The following TRAPPC9 variants were observed in gnomAD, a reference collection of about 807,000 sequenced individuals.
The protein encoded by TRAPPC9 is trafficking protein particle complex subunit 9.
In TRAPPC9, 83 loss-of-function variants were observed where a neutral mutation model predicts 124.0. That is an observed-to-expected ratio of 0.67 (90% confidence interval 0.56 to 0.80). The LOEUF is 0.80. Among genes scored for constraint, TRAPPC9 ranks in the 30% least tolerant of loss-of-function variants. TRAPPC9 has a pLI of 0.00. For synonymous variants in TRAPPC9, 638 were observed against 617.5 expected (o/e 1.03, Z -0.49); for missense variants, 1,302 against 1,508.3 (o/e 0.86, Z 2.27).
chr8:140,300,276 C>T (rs1030189374), intron 11 of TRAPPC9, among the ~76,000 whole-genome samples, 193 bp downstream of exon 11: 5 of 142,510 alleles, frequency 3.5e-5, no homozygotes, highest in South Asian at 2.1e-4. Flanking sequence ...CACATATGCA[C>T]GCATGCACAC....
chr8:140,289,522 T>C (rs970059632), intron 12 of TRAPPC9, among the ~76,000 whole-genome samples: 1 of 152,234 alleles, frequency 6.6e-6, no homozygotes. Context: ...TAACATTTCA[T>C]AGGTTTAAAA....
intron 9 of TRAPPC9, among the ~76,000 whole-genome samples, chr8:140,313,733 AG>A (rs1170784167): frequency 2.6e-5 from 4 of 152,078 alleles, no homozygotes; most frequent in Admixed American, 2.6e-4. Flanking sequence ...GGGGTGGAAA[AG>A]GGACCGTCGC....
chr8:139,837,232 C>A (rs1043151901), intron 21 of TRAPPC9, among the ~76,000 whole-genome samples: 12 of 152,194 alleles, frequency 7.9e-5, no homozygotes, highest in African/African-American at 2.9e-4. Flanking sequence ...CCTGCTGCCG[C>A]TGTTCACGCC....
In TRAPPC9 at chr8:139,728,014, C is replaced by T. The variant is rs1469063316; in HGVS notation, c.*3047G>A. On this transcript the variant is annotated 3_prime_UTR_variant, in exon 23 of 23. Coordinates refer to ENST00000438773, the MANE Select transcript of TRAPPC9 (RefSeq NM_001160372.4). Reference sequence around the variant, plus strand: ...GGACCCAGTATTTATTAAGAAGTTGCTATCATGTGCTAAAAAAAAATCTAG... The same window carrying T: ...GGACCCAGTATTTATTAAGAAGTTGTTATCATGTGCTAAAAAAAAATCTAG... Among the ~76,000 whole-genome samples, 1 of 142,352 alleles carries T rather than the reference C, an allele frequency of 7.0e-6. No individual in the cohort carries two copies. Among genetic ancestry groups the T allele is most frequent in the East Asian group, 2.0e-4 (1 of 5,036 alleles). 93.4% of individuals were successfully genotyped at this position (142,352 alleles called of 152,430 possible). A position where few individuals can be genotyped will look rare whatever the true frequency, so the allele number is the denominator to read the frequency against.
At chr8:140,017,610 T>G (rs1839550902) in intron 18 of TRAPPC9, among the ~76,000 whole-genome samples, 1 of 152,210 alleles carries the variant, frequency 6.6e-6, no homozygotes, top group Admixed American at 6.5e-5. Context: ...AATAACATAC[T>G]CTCTTGATTA....
chr8:140,441,378 A>C (rs2071011901), intron 2 of TRAPPC9, among the ~76,000 whole-genome samples: 1 of 152,212 alleles, frequency 6.6e-6, no homozygotes, highest in African/African-American at 2.4e-5. Context: ...ATTTTCCTCC[A>C]CCAGTAACAT....
chr8:140,203,410 T>A (rs572568768), intron 17 of TRAPPC9, among the ~76,000 whole-genome samples: 5 of 152,340 alleles, frequency 3.3e-5, no homozygotes, highest in African/African-American at 1.2e-4. Context: ...TTGCTGATAG[T>A]GCTTCTGTAA....
At chr8:140,102,404 G>A (rs2060595734) in intron 17 of TRAPPC9, among the ~76,000 whole-genome samples, 1 of 152,110 alleles carries the variant, frequency 6.6e-6, no homozygotes, top group African/African-American at 2.4e-5. Flanking sequence ...GATGTCTTAA[G>A]TTGGTATTTG....
intron 19 of TRAPPC9, among the ~76,000 whole-genome samples, chr8:139,936,165 T>A (rs1045469944): frequency 6.6e-6 from 1 of 152,228 alleles, no homozygotes; most frequent in Non-Finnish European, 1.5e-5. Context: ...CCTTTTGAGA[T>A]AGCGCCTACC....
intron 22 of TRAPPC9, 125 bp from the exon 23 acceptor site, chr8:139,731,353 G>A: frequency 8.9e-7 from 1 of 1,117,418 alleles, no homozygotes; most frequent in Non-Finnish European, 1.3e-6. Context: ...CCCAGGCCTG[G>A]CTCCAGTGCC....
chr8:139,804,147 CCACCACCACCACCAAG>C (rs1264774545), intron 21 of TRAPPC9, among the ~76,000 whole-genome samples: 1 of 128,936 alleles, frequency 7.8e-6, no homozygotes, highest in African/African-American at 2.7e-5. Flanking sequence ...CCACCACCAC[CCACCACCACCACCAAG>C]CACCACCACC....
At chr8:140,134,916 T>C (rs961560067) in intron 17 of TRAPPC9, among the ~76,000 whole-genome samples, 2 of 152,166 alleles carry the variant, frequency 1.3e-5, no homozygotes, top group African/African-American at 2.4e-5. Flanking sequence ...TTGCAAATCA[T>C]GTATCTGATA....
chr8:139,784,493 G>C (rs2130547913), intron 21 of TRAPPC9, among the ~76,000 whole-genome samples: 1 of 151,866 alleles, frequency 6.6e-6, no homozygotes, highest in East Asian at 1.9e-4. Context: ...AGAATGGCCT[G>C]AACCCAGGAG....
rs149458575 is a variant in TRAPPC9 at position 140,389,366 on chromosome 8, T to C, written c.1134+8254A>G. On this transcript the variant is annotated intron_variant, in intron 7 of 22. Coordinates refer to ENST00000438773, the MANE Select transcript of TRAPPC9 (RefSeq NM_001160372.4). ...AATAAAGTATATTATACATTACAAA[T>C]ATAAAACAATAAAAGCAATCCCTCA... Among the ~76,000 whole-genome samples, 469 of 152,254 alleles carry C rather than the reference T, an allele frequency of 3.1e-3. 3 individuals are homozygous for C. Among genetic ancestry groups the C allele is most frequent in the Non-Finnish European group, 2.7e-3 (182 of 68,010 alleles).
chr8:140,299,511 G>A (rs997049405), intron 11 of TRAPPC9, among the ~76,000 whole-genome samples: 1 of 152,258 alleles, frequency 6.6e-6, no homozygotes, highest in African/African-American at 2.4e-5. Context: ...AGAGCGCCGC[G>A]GTTGCGCAGG....
At chr8:140,440,849 G>A (rs1414568652) in intron 2 of TRAPPC9, among the ~76,000 whole-genome samples, 2 of 151,748 alleles carry the variant, frequency 1.3e-5, no homozygotes, top group Non-Finnish European at 2.9e-5. Context: ...GGCTCTATCC[G>A]CCTCACAACT....
chr8:140,151,751 A>G (rs949649868), intron 17 of TRAPPC9, among the ~76,000 whole-genome samples: 2 of 152,182 alleles, frequency 1.3e-5, no homozygotes, highest in Non-Finnish European at 2.9e-5. Context: ...GTGACCCAGA[A>G]GGTCCGTCAT....
At chr8:139,936,324 A>G (rs911500219) in intron 19 of TRAPPC9, among the ~76,000 whole-genome samples, 1 of 152,224 alleles carries the variant, frequency 6.6e-6, no homozygotes, top group African/African-American at 2.4e-5. Context: ...CATTCATAAC[A>G]TGCATGCTGA....
intron 21 of TRAPPC9, among the ~76,000 whole-genome samples, chr8:139,881,456 T>C (rs953876270): frequency 2.0e-5 from 3 of 152,180 alleles, no homozygotes; most frequent in Admixed American, 1.3e-4. Context: ...CCACCCTTTA[T>C]ACCACCTGAG....
Sources: allele counts gnomAD v4.1 joint callset (sites outside exome capture counted in the v4.1 genomes callset), GRCh38; gene constraint gnomAD v4.1.1; transcripts MANE v1.5; gene names NCBI Gene and HGNC (gene_info 2026-07-23, HGNC 2026-07-21).